Variants in TENM3 observed in about 807,000 individuals in gnomAD.
TENM3 encodes the protein teneurin-3.
TENM3 carries 63 observed loss-of-function variants against 255.1 expected under a neutral mutation model. That is an observed-to-expected ratio of 0.25 (90% CI 0.20 to 0.30). The LOEUF is 0.30. Ranked by LOEUF, TENM3 falls within the 10% of genes least tolerant of loss-of-function variation. The pLI is 1.00. For synonymous variants in TENM3, 1,306 were observed against 1,322.3 expected, an observed-to-expected ratio of 0.99 and a Z score of 0.27; for missense variants, 2,929 against 3,461.1, an observed-to-expected ratio of 0.85 and a Z score of 3.86.
Position 182,680,539 on chromosome 4 carries a change from AC to A in TENM3, c.1640-3del. The A allele has an allele frequency of 2.5e-6, 4 of 1,611,060 alleles. No homozygotes were observed. The highest frequency in any genetic ancestry group is 3.4e-6 in the Non-Finnish European group (4 of 1,179,318). ...TAATTCTTCTGTCGTGTCTTGTTTC[AC>A]AGCCGCCTGTCCAGTGTTATGTAGT... On this transcript the variant is annotated splice_region_variant and splice_polypyrimidine_tract_variant and intron_variant, in intron 9 of 27. Coordinates refer to ENST00000511685, the MANE Select transcript of TENM3 (RefSeq NM_001080477.4).
At chr4:182,659,330 G>A (rs942589870) in intron 6 of TENM3, among the ~76,000 whole-genome samples, 8 of 151,826 alleles carry the variant, frequency 5.3e-5, no homozygotes, top group South Asian at 2.1e-4. Flanking sequence ...GAGAGAGAGA[G>A]AGACAGACCA....
At position 182,218,428 on chromosome 4, in the gene TENM3, T is replaced by C. The variant is rs535035398; in HGVS notation, c.-76+73674T>C. On this transcript the variant is annotated intron_variant, in intron 1 of 2. Transcript: ENST00000512480. ...TTCATGATAACTTCCTGGGTGTTAG[T>C]AATTGTGCAAATTCATATATTATTG... Among the ~76,000 whole-genome samples, 11 of 152,344 alleles carry C rather than the reference T, an allele frequency of 7.2e-5. 1 individual carries two copies. The highest frequency in any genetic ancestry group is 2.4e-4 in the African/African-American group (10 of 41,582).
intron 12 of TENM3, among the ~76,000 whole-genome samples, chr4:182,710,038 T>C (rs998587713): frequency 1.3e-5 from 2 of 152,226 alleles, no homozygotes; most frequent in Non-Finnish European, 2.9e-5. Flanking sequence ...AATAATCTGA[T>C]TGGCTGATTA....
chr4:182,305,399 GC>G (rs1460605201), intron 1 of TENM3, among the ~76,000 whole-genome samples: 2 of 152,122 alleles, frequency 1.3e-5, no homozygotes, highest in Non-Finnish European at 2.9e-5. Context: ...CTTCCAACAT[GC>G]CACCAAAATG....
At chr4:181,837,679 G>A in the TENM3 span, among the ~76,000 whole-genome samples, 84,589 of 151,986 alleles carry the variant, frequency 0.56, 24,891 homozygotes, top group East Asian at 0.74. Context: ...GTTCATCATC[G>A]CATAGGAGCA....
chr4:182,519,338 T>G (rs1738322494), intron 3 of TENM3, among the ~76,000 whole-genome samples: 1 of 152,210 alleles, frequency 6.6e-6, no homozygotes. Flanking sequence ...TGTGGTTCAT[T>G]TATATCTCTG....
At chr4:181,622,345 T>C in the TENM3 span, among the ~76,000 whole-genome samples, 1 of 151,764 alleles carries the variant, frequency 6.6e-6, no homozygotes, top group Non-Finnish European at 1.5e-5. Context: ...ATACCAAGAG[T>C]CAAAACCTGT....
the TENM3 span, among the ~76,000 whole-genome samples, chr4:181,638,024 A>G: frequency 6.6e-6 from 1 of 152,188 alleles, no homozygotes; most frequent in East Asian, 1.9e-4. Context: ...AGGAAGGGGA[A>G]AAGTAAGATG....
chr4:182,264,424 G>A (rs1341795607), intron 1 of TENM3, among the ~76,000 whole-genome samples: 1 of 152,198 alleles, frequency 6.6e-6, no homozygotes, highest in Non-Finnish European at 1.5e-5. Context: ...CTTGGTCTCT[G>A]CCTTCCAGGG....
the TENM3 span, among the ~76,000 whole-genome samples, chr4:181,449,263 T>C: frequency 1.2e-4 from 19 of 152,282 alleles, no homozygotes; most frequent in Admixed American, 1.2e-3. Context: ...GTCATGTAGG[T>C]CTATGATATA....
intron 4 of TENM3, among the ~76,000 whole-genome samples, chr4:182,620,959 C>A (rs1265656054): frequency 1.3e-5 from 2 of 151,950 alleles, no homozygotes; most frequent in Non-Finnish European, 2.9e-5. Context: ...GCGGGTGGAT[C>A]CCCTGAGGTC....
chr4:182,021,742 A>T, the TENM3 span, among the ~76,000 whole-genome samples: 273 of 152,308 alleles, frequency 1.8e-3, 1 homozygote, highest in East Asian at 0.028. Context: ...AAACAAATGA[A>T]TGAATAAATT....
the TENM3 span, among the ~76,000 whole-genome samples, chr4:181,458,855 A>G: frequency 6.6e-6 from 1 of 151,976 alleles, no homozygotes; most frequent in Admixed American, 6.6e-5. Context: ...TAAAGACGCT[A>G]TGAATATTTA....
chr4:181,724,565 A>G, the TENM3 span, among the ~76,000 whole-genome samples: 2 of 152,148 alleles, frequency 1.3e-5, no homozygotes, highest in Non-Finnish European at 2.9e-5. Flanking sequence ...TATCTTTTTT[A>G]TCTCTGTAAG....
the TENM3 span, among the ~76,000 whole-genome samples, chr4:181,925,450 G>T: frequency 6.6e-6 from 1 of 152,020 alleles, no homozygotes; most frequent in African/African-American, 2.4e-5. Context: ...TAGTTTTATT[G>T]TAATTACACA....
intron 3 of TENM3, among the ~76,000 whole-genome samples, chr4:182,598,605 A>C (rs967310460): frequency 2.0e-5 from 3 of 152,230 alleles, no homozygotes; most frequent in Admixed American, 2.0e-4. Context: ...TTTCTCTTTC[A>C]GTAACAGTGT....
intron 3 of TENM3, among the ~76,000 whole-genome samples, chr4:182,554,566 ATG>A (rs144765082): frequency 8.6e-5 from 13 of 151,344 alleles, no homozygotes; most frequent in African/African-American, 1.9e-4. Flanking sequence ...GTGTGCACGT[ATG>A]TGTGTGTGTG....
the TENM3 span, among the ~76,000 whole-genome samples, chr4:181,676,183 TTAAAG>T: frequency 3.6e-4 from 55 of 152,238 alleles, no homozygotes; most frequent in African/African-American, 1.3e-3. Context: ...CAATTCTGAA[TTAAAG>T]TATAGTGCAG....
At chr4:182,056,482 G>C in the TENM3 span, among the ~76,000 whole-genome samples, 367 of 152,230 alleles carry the variant, frequency 2.4e-3, 4 homozygotes, top group African/African-American at 8.4e-3. Context: ...GTCTAACTTA[G>C]ACTGGTGTCC....
Sources: allele counts gnomAD v4.1 joint callset (sites outside exome capture counted in the v4.1 genomes callset), GRCh38; gene constraint gnomAD v4.1.1; transcripts MANE v1.5; gene names NCBI Gene and HGNC (gene_info 2026-07-23, HGNC 2026-07-21).